Variants in CFAP221 observed in about 807,000 individuals in gnomAD.
CFAP221 encodes the protein cilia- and flagella-associated protein 221.
In CFAP221, 97 loss-of-function variants were observed where a neutral mutation model predicts 113.1. The observed-to-expected ratio is 0.86, with a 90% CI of 0.73 to 1.02. The LOEUF is 1.02. CFAP221 is among the 50% of genes least tolerant of loss of function. CFAP221 has a pLI of 0.00. For synonymous variants in CFAP221, 331 were observed against 354.4 expected, an observed-to-expected ratio of 0.93 and a Z score of 0.74; for missense variants, 1,025 against 1,013.4, an observed-to-expected ratio of 1.01 and a Z score of -0.16.
chr2:119,616,657 G>T (rs753097761), intron 14 of CFAP221, among the ~76,000 whole-genome samples: 1 of 152,214 alleles, frequency 6.6e-6, no homozygotes, highest in South Asian at 2.1e-4. Context: ...CTGTCCTCTC[G>T]TTGTCCCAGT....
At chr2:119,568,711 G>A (rs894364375) in intron 6 of CFAP221, among the ~76,000 whole-genome samples, 6 of 152,034 alleles carry the variant, frequency 3.9e-5, no homozygotes, top group Non-Finnish European at 5.9e-5. Context: ...TGGTGTATAC[G>A]TACCACATTG....
intron 6 of CFAP221, among the ~76,000 whole-genome samples, chr2:119,563,888 G>T (rs764097440): frequency 1.3e-5 from 2 of 152,228 alleles, no homozygotes; most frequent in African/African-American, 2.4e-5. Context: ...CGCAGGCAGA[G>T]AAAGAGCCTC....
Position 119,587,179 on chromosome 2 carries a change from C to T in CFAP221, c.588C>T (p.Thr196=), listed in dbSNP as rs753248408. 3 of 1,533,214 alleles carry T rather than the reference C, an allele frequency of 2.0e-6. No individual in the cohort carries two copies. The highest frequency in any genetic ancestry group is 1.2e-5 in the South Asian group (1 of 83,504). The allele number at this position is 1,533,214 out of a possible 1,614,324, so 95.0% of individuals were successfully genotyped here. A position where few individuals can be genotyped will look rare whatever the true frequency, so the allele number is the denominator to read the frequency against. ...CTGTAGATTTTGAGTTTTATATCAC[C>T]TTGATTCAGTCTCATCAAGCCTTTG... The part of the protein sequence containing the change: ...SCPVDFEFYI[T]LIQSHQAFAI... The change falls in exon 7 of 24, where the codon ACC becomes ACT. Residue 196 remains threonine, a synonymous_variant. Transcript: ENST00000413369.
intron 6 of CFAP221, among the ~76,000 whole-genome samples, chr2:119,565,124 C>T (rs1314337253): frequency 6.6e-6 from 1 of 152,024 alleles, no homozygotes; most frequent in Non-Finnish European, 1.5e-5. Context: ...TTTATTTTTC[C>T]CAAAAAGTTC....
intron 22 of CFAP221, chr2:119,648,456 T>C: frequency 3.1e-6 from 1 of 325,194 alleles, no homozygotes; most frequent in Non-Finnish European, 6.9e-6. Context: ...CACCTGGATC[T>C]GCTGCTGTAT....
intron 14 of CFAP221, among the ~76,000 whole-genome samples, chr2:119,616,019 T>G (rs1172422700): frequency 6.6e-6 from 1 of 152,234 alleles, no homozygotes; most frequent in African/African-American, 2.4e-5. Flanking sequence ...ATTTGCCTTT[T>G]CTGGGCATTT....
chr2:119,559,882 T>G (rs1558912332), intron 4 of CFAP221, 46 bp from the exon 5 acceptor site: 9 of 1,497,290 alleles, frequency 6.0e-6, no homozygotes, highest in Non-Finnish European at 8.1e-6. Context: ...TGCTGCTCTC[T>G]GTGCAGTCCG....
chr2:119,636,540 T>G (rs1458736970), intron 19 of CFAP221, among the ~76,000 whole-genome samples: 1 of 152,208 alleles, frequency 6.6e-6, no homozygotes, highest in African/African-American at 2.4e-5. Context: ...AGCGAAGTCC[T>G]TGTCTTGCAT....
intron 6 of CFAP221, among the ~76,000 whole-genome samples, chr2:119,586,395 A>G (rs1683225047): frequency 6.6e-6 from 1 of 152,150 alleles, no homozygotes; most frequent in South Asian, 2.1e-4. Context: ...TATGGGAAGC[A>G]TGGGGCACTC....
chr2:119,573,570 C>A (rs533512500), intron 6 of CFAP221: 1 of 152,274 alleles, frequency 6.6e-6, no homozygotes, highest in Non-Finnish European at 1.5e-5. Flanking sequence ...GCTGGGTGCA[C>A]CTGTAGTCTC....
chr2:119,647,958 C>A (rs374531358), intron 22 of CFAP221, among the ~76,000 whole-genome samples: 2 of 152,010 alleles, frequency 1.3e-5, no homozygotes, highest in African/African-American at 2.4e-5. Flanking sequence ...GGGTTCAACA[C>A]CACCACCACC....
chr2:119,598,878 T>C (rs1202292065), intron 7 of CFAP221, among the ~76,000 whole-genome samples: 2 of 152,226 alleles, frequency 1.3e-5, no homozygotes, highest in Admixed American at 6.5e-5. Context: ...CATTAATCCT[T>C]GCTTCCAGAG....
At chr2:119,582,117 G>A (rs566446972) in intron 6 of CFAP221, among the ~76,000 whole-genome samples, 24 of 152,210 alleles carry the variant, frequency 1.6e-4, no homozygotes, top group South Asian at 1.2e-3. Context: ...GTTTATTTAC[G>A]TAAGAATTTC....
intron 8 of CFAP221, 75 bp downstream of exon 8, chr2:119,601,452 T>C: frequency 7.7e-7 from 1 of 1,291,386 alleles, no homozygotes; most frequent in Non-Finnish European, 1.0e-6. Context: ...TCTTCCATTC[T>C]GTCTTTCTTG....
chr2:119,553,223 G>C (rs944089412), intron 3 of CFAP221, among the ~76,000 whole-genome samples: 1 of 152,186 alleles, frequency 6.6e-6, no homozygotes, highest in African/African-American at 2.4e-5. Flanking sequence ...GGCCATTGGG[G>C]GTAGCCCAAA....
intron 3 of CFAP221, among the ~76,000 whole-genome samples, chr2:119,559,157 T>C (rs908232759): frequency 4.9e-4 from 75 of 152,230 alleles, no homozygotes; most frequent in African/African-American, 1.8e-3. Context: ...GATGGCCTTC[T>C]CCTGTCACTG....
intron 6 of CFAP221, among the ~76,000 whole-genome samples, chr2:119,568,280 T>G (rs1305182141): frequency 6.6e-6 from 1 of 152,176 alleles, no homozygotes; most frequent in Non-Finnish European, 1.5e-5. Flanking sequence ...AATAAAAGTT[T>G]TAATTTTACC....
At chr2:119,613,734 C>G (rs982265423) in intron 13 of CFAP221, among the ~76,000 whole-genome samples, 2 of 152,244 alleles carry the variant, frequency 1.3e-5, no homozygotes, top group African/African-American at 2.4e-5. Flanking sequence ...AGACCTCTGA[C>G]ATGTCCTGGA....
intron 2 of CFAP221, among the ~76,000 whole-genome samples, chr2:119,548,541 C>G (rs903865106): frequency 4.6e-5 from 7 of 152,160 alleles, no homozygotes; most frequent in African/African-American, 1.7e-4. Flanking sequence ...TCACATGACA[C>G]CAAAAGCAGT....
Sources: gnomAD v4.1 joint callset for allele counts (sites outside exome capture counted in the v4.1 genomes callset) on GRCh38, gnomAD v4.1.1 for gene constraint, MANE v1.5 for transcripts, NCBI Gene and HGNC (gene_info 2026-07-23, HGNC 2026-07-21) for gene names.